NCOA1: variants seen among roughly 807,000 people sequenced by gnomAD.
The protein encoded by NCOA1 is Hin-2 protein.
In NCOA1, 35 loss-of-function variants were observed where a neutral mutation model predicts 150.9. That is an observed-to-expected ratio of 0.23 (90% CI 0.18 to 0.31). The LOEUF (loss-of-function observed/expected upper bound fraction) is 0.31. Among genes scored for constraint, NCOA1 ranks in the 10% least tolerant of loss-of-function variants. The pLI is 1.00. For missense variants in NCOA1, 1,491 were observed against 1,749.3 expected (o/e 0.85, Z 2.63); for synonymous variants, 590 against 630.0 (o/e 0.94, Z 0.95).
Position 24,762,207 on chromosome 2 carries a change from G to A in NCOA1, c.4066-480G>A, listed in dbSNP as rs552803424. Among the ~76,000 whole-genome samples the A allele has an allele frequency of 6.0e-4, 92 of 152,290 alleles. 1 individual carries two copies. Among genetic ancestry groups the A allele is most frequent in the Non-Finnish European group, 5.9e-4 (40 of 68,026 alleles). On this transcript the variant is annotated intron_variant, in intron 21 of 22. Transcript: ENST00000348332. Reference sequence around the variant, plus strand: ...GAACTGTTAGGGATCACTGTCCTTCGTTGCCTTTGTCTAATGTCTTCAGTG... The same window carrying A: ...GAACTGTTAGGGATCACTGTCCTTCATTGCCTTTGTCTAATGTCTTCAGTG...
At chr2:24,494,719 ATCCATGTGT>A (rs1663126926) in intron 1 of NCOA1, among the ~76,000 whole-genome samples, 1 of 152,066 alleles carries the variant, frequency 6.6e-6, no homozygotes, top group African/African-American at 2.4e-5. Context: ...CTCGGGTGAA[ATCCATGTGT>A]TTCAGGAGGT....
chr2:24,704,926 GAT>G (rs1673340605), intron 11 of NCOA1, among the ~76,000 whole-genome samples, 158 bp from the exon 12 acceptor site: 1 of 152,156 alleles, frequency 6.6e-6, no homozygotes, highest in African/African-American at 2.4e-5. Flanking sequence ...TTCCCCCTCA[GAT>G]ATCTGCTTTG....
chr2:24,586,137 G>A (rs1429919591), intron 3 of NCOA1, among the ~76,000 whole-genome samples: 1 of 151,862 alleles, frequency 6.6e-6, no homozygotes, highest in Non-Finnish European at 1.5e-5. Context: ...TTAGCTGGGC[G>A]TGGTGGCGGG....
chr2:24,505,221 T>G (rs1663641434), intron 1 of NCOA1, among the ~76,000 whole-genome samples: 1 of 151,906 alleles, frequency 6.6e-6, no homozygotes, highest in South Asian at 2.1e-4. Context: ...AGTTTTGCCC[T>G]TGTTGCTGAG....
chr2:24,766,279 T>G (rs967251855), intron 22 of NCOA1, among the ~76,000 whole-genome samples: 7 of 152,232 alleles, frequency 4.6e-5, no homozygotes, highest in Non-Finnish European at 1.0e-4. Flanking sequence ...TCAAGAACTT[T>G]TTAAGAATTT....
intron 4 of NCOA1, among the ~76,000 whole-genome samples, chr2:24,646,387 TAATC>T (rs1194053000): frequency 2.6e-5 from 4 of 152,222 alleles, no homozygotes; most frequent in Non-Finnish European, 5.9e-5. Context: ...CACAATATAA[TAATC>T]AATTCAGGAA....
chr2:24,581,816 T>C (rs1035672882), intron 2 of NCOA1, among the ~76,000 whole-genome samples: 4 of 152,130 alleles, frequency 2.6e-5, no homozygotes, highest in Admixed American at 2.6e-4. Context: ...TGCAAATCAA[T>C]AAAAGTGATT....
chr2:24,614,231 T>TTTTTTTTTTG (rs1668771754), intron 3 of NCOA1, among the ~76,000 whole-genome samples: 1 of 122,786 alleles, frequency 8.1e-6, no homozygotes, highest in African/African-American at 3.1e-5. Flanking sequence ...TTTTTTTTTT[T>TTTTTTTTTTG]GCTATGGGGT....
intron 14 of NCOA1, among the ~76,000 whole-genome samples, chr2:24,724,930 G>T (rs1572645156): frequency 1.3e-5 from 2 of 151,734 alleles, no homozygotes; most frequent in South Asian, 2.1e-4. Flanking sequence ...TTATTTTGTT[G>T]TGTTTTTCAG....
intron 2 of NCOA1, among the ~76,000 whole-genome samples, chr2:24,576,163 GTTTTTTGTTTTTTTTT>G (rs1666964124): frequency 1.1e-5 from 1 of 92,734 alleles, no homozygotes; most frequent in South Asian, 3.4e-4. Flanking sequence ...TTTTTTTTTT[GTTTTTTGTTTTTTTTT>G]TTTTTTTTTT....
At chr2:24,697,514 T>A (rs1268985194) in intron 10 of NCOA1, 144 bp from the exon 11 acceptor site, 2 of 752,370 alleles carry the variant, frequency 2.7e-6, no homozygotes, top group Non-Finnish European at 4.1e-6. Flanking sequence ...TTCATAACTA[T>A]AATAAAAATT....
rs1553422186 is a variant in NCOA1 at position 24,516,977 on chromosome 2, C to CATACGTATATATACGTGTAT, written c.-396+25378_-396+25379insCGTATATATACGTGTATATA. On this transcript the variant is annotated intron_variant, in intron 1 of 22. Coordinates refer to ENST00000348332, the MANE Select transcript of NCOA1 (RefSeq NM_003743.5). ...ACAAGTATATATACGTATATATACA[C>CATACGTATATATACGTGTAT]ATATACGTATATATATACACACGCG... Among the ~76,000 whole-genome samples the CATACGTATATATACGTGTAT allele has an allele frequency of 1.7e-3, 101 of 58,940 alleles. 3 individuals carry two copies. The highest frequency in any genetic ancestry group is 4.5e-3 in the African/African-American group (97 of 21,796). 38.7% of individuals were successfully genotyped at this position (58,940 alleles called of 152,430 possible). A position where few individuals can be genotyped will look rare whatever the true frequency, so the allele number is the denominator to read the frequency against.
intron 5 of NCOA1, among the ~76,000 whole-genome samples, chr2:24,663,348 A>G (rs1423329499): frequency 6.6e-6 from 1 of 152,144 alleles, no homozygotes; most frequent in Admixed American, 6.5e-5. Flanking sequence ...ATGTACTTCT[A>G]TAGTATTCTA....
chr2:24,724,080 T>TTTTTGTTTTGTTTTG lies in NCOA1; in HGVS notation c.2600-2490_2600-2476dup, dbSNP rs200648819. ...ATATAAGGGGGGTTTTTTTGTTTGT[T>TTTTTGTTTTGTTTTG]TTTTGTTTTGTTTTGTTTTGTTTTG... On this transcript the variant is annotated intron_variant, in intron 14 of 22. Transcript: ENST00000348332. 9.8e-3 allele frequency among the ~76,000 whole-genome samples: 1,481 copies of TTTTTGTTTTGTTTTG among 151,742 alleles called. 10 individuals carry two copies. Among genetic ancestry groups the TTTTTGTTTTGTTTTG allele is most frequent in the Non-Finnish European group, 0.012 (846 of 67,938 alleles).
At chr2:24,682,323 ACTGT>A (rs895737319) in intron 7 of NCOA1, among the ~76,000 whole-genome samples, 12 of 152,158 alleles carry the variant, frequency 7.9e-5, no homozygotes, top group Admixed American at 7.2e-4. Context: ...GTGATATGTG[ACTGT>A]CTGCACCGAG....
At chr2:24,659,940 G>A (rs1671105899) in intron 5 of NCOA1, among the ~76,000 whole-genome samples, 1 of 152,102 alleles carries the variant, frequency 6.6e-6, no homozygotes, top group Admixed American at 6.6e-5. Context: ...TAAAGCTACA[G>A]AAGACTCTTC....
intron 14 of NCOA1, among the ~76,000 whole-genome samples, chr2:24,717,002 A>C (rs1410195728): frequency 6.6e-6 from 1 of 152,256 alleles, no homozygotes; most frequent in Non-Finnish European, 1.5e-5. Context: ...AAATGGGCAA[A>C]AGATCTGAAC....
intron 11 of NCOA1, among the ~76,000 whole-genome samples, chr2:24,701,497 A>G (rs969335041): frequency 6.7e-6 from 1 of 148,468 alleles, no homozygotes; most frequent in Non-Finnish European, 1.5e-5. Flanking sequence ...ACAGAGTGAG[A>G]CACTGTCTCA....
chr2:24,496,118 T>C (rs1443769670), intron 1 of NCOA1, among the ~76,000 whole-genome samples: 2 of 152,232 alleles, frequency 1.3e-5, no homozygotes, highest in African/African-American at 4.8e-5. Flanking sequence ...TCACATTTCT[T>C]CTTGTTTTAA....
Sources: gnomAD v4.1 joint callset for allele counts (sites outside exome capture counted in the v4.1 genomes callset) on GRCh38, gnomAD v4.1.1 for gene constraint, MANE v1.5 for transcripts, NCBI Gene and HGNC (gene_info 2026-07-23, HGNC 2026-07-21) for gene names.